KCNK13: variants seen among roughly 807,000 people sequenced by gnomAD.
The protein encoded by KCNK13 is potassium two pore domain channel subfamily K member 13.
KCNK13 carries 12 observed loss-of-function variants against 23.4 expected under a neutral mutation model. That is an observed-to-expected ratio of 0.51 (90% CI 0.33 to 0.83). The LOEUF is 0.83. KCNK13 is among the 40% of genes least tolerant of loss of function. The pLI is 0.02. For missense variants in KCNK13, 463 were observed against 556.3 expected (o/e 0.83, Z 1.69); for synonymous variants, 231 against 229.5 (o/e 1.01, Z -0.06).
chr14:90,101,391 G>A (rs1032675528), intron 1 of KCNK13, among the ~76,000 whole-genome samples: 2 of 152,070 alleles, frequency 1.3e-5, no homozygotes, highest in African/African-American at 4.8e-5. Context: ...ACTTAGACGA[G>A]GGGGCAGGGG....
At chr14:90,087,435 CA>C (rs1889294071) in intron 1 of KCNK13, among the ~76,000 whole-genome samples, 1 of 152,082 alleles carries the variant, frequency 6.6e-6, no homozygotes, top group African/African-American at 2.4e-5. Flanking sequence ...GGGACCAATA[CA>C]CTTCCCCAGA....
chr14:90,148,162 C>G (rs905816671), intron 1 of KCNK13, among the ~76,000 whole-genome samples: 1 of 152,104 alleles, frequency 6.6e-6, no homozygotes, highest in Admixed American at 6.5e-5. Flanking sequence ...GACTCCATCT[C>G]AAAATATAAT....
At chr14:90,166,353 A>G (rs1343396747) in intron 1 of KCNK13, among the ~76,000 whole-genome samples, 4 of 152,246 alleles carry the variant, frequency 2.6e-5, no homozygotes, top group Non-Finnish European at 5.9e-5. Context: ...GGCAAATTTT[A>G]ATATGCTTTA....
At position 90,111,141 on chromosome 14, in the gene KCNK13, C is replaced by T. The variant is rs370453028; in HGVS notation, c.334+48602C>T. On this transcript the variant is annotated intron_variant, in intron 1 of 1. Transcript: ENST00000282146. Reference sequence around the variant, plus strand: ...AAAGCCACTAAGTTGAGAACTCCAACTTCATTTCTAGACATCTCCAGATCT... The same window carrying T: ...AAAGCCACTAAGTTGAGAACTCCAATTTCATTTCTAGACATCTCCAGATCT... Among the ~76,000 whole-genome samples the T allele has an allele frequency of 2.6e-4, 40 of 152,278 alleles. No individual in the cohort carries two copies. In the South Asian group the frequency reaches 7.7e-3, roughly 29 times the overall value.
At chr14:90,112,373 T>C (rs1889625944) in intron 1 of KCNK13, among the ~76,000 whole-genome samples, 1 of 152,216 alleles carries the variant, frequency 6.6e-6, no homozygotes, top group Non-Finnish European at 1.5e-5. Context: ...CAAAAAGAAC[T>C]GGATGAGCAA....
chr14:90,171,078 A>G (rs1890359887), intron 1 of KCNK13, among the ~76,000 whole-genome samples: 1 of 152,210 alleles, frequency 6.6e-6, no homozygotes, highest in Admixed American at 6.5e-5. Flanking sequence ...TTCCTTTCAC[A>G]TAATCTCCTG....
At chr14:90,110,898 A>T (rs557840333) in intron 1 of KCNK13, among the ~76,000 whole-genome samples, 44 of 151,910 alleles carry the variant, frequency 2.9e-4, no homozygotes, top group Non-Finnish European at 5.1e-4. Context: ...AATCCCAGCT[A>T]CTCAGGAAGC....
At chr14:90,174,754 T>C (rs953632625) in intron 1 of KCNK13, among the ~76,000 whole-genome samples, 4 of 152,038 alleles carry the variant, frequency 2.6e-5, no homozygotes, top group Non-Finnish European at 5.9e-5. Flanking sequence ...CGTAGGAGGC[T>C]GAGGCAAGAG....
chr14:90,135,177 A>G (rs1307677859), intron 1 of KCNK13, among the ~76,000 whole-genome samples: 2 of 152,224 alleles, frequency 1.3e-5, no homozygotes. Context: ...GAATCCTGCA[A>G]TTGGGACTCA....
At chr14:90,152,765 G>C (rs931518398) in intron 1 of KCNK13, among the ~76,000 whole-genome samples, 32 of 152,170 alleles carry the variant, frequency 2.1e-4, no homozygotes, top group African/African-American at 7.5e-4. Context: ...GCTCAAGATT[G>C]CTTTGACTAT....
intron 1 of KCNK13, among the ~76,000 whole-genome samples, chr14:90,172,608 T>TTCA (rs2140444353): frequency 6.9e-6 from 1 of 145,712 alleles, no homozygotes; most frequent in South Asian, 2.3e-4. Flanking sequence ...CAGTGTAAAG[T>TTCA]GTTACACTGA....
At chr14:90,079,059 A>G (rs952894992) in intron 1 of KCNK13, among the ~76,000 whole-genome samples, 14 of 152,150 alleles carry the variant, frequency 9.2e-5, no homozygotes, top group African/African-American at 3.1e-4. Flanking sequence ...TGCTGTGGGG[A>G]CTGCACAAAG....
chr14:90,075,474 G>A (rs1369493551), intron 1 of KCNK13, among the ~76,000 whole-genome samples: 1 of 152,046 alleles, frequency 6.6e-6, no homozygotes, highest in South Asian at 2.1e-4. Flanking sequence ...CCTCTCCAGT[G>A]GTTTATGGAC....
intron 1 of KCNK13, among the ~76,000 whole-genome samples, chr14:90,105,747 A>G (rs1372352213): frequency 6.6e-6 from 1 of 152,194 alleles, no homozygotes; most frequent in Non-Finnish European, 1.5e-5. Context: ...AAAGAGAGCC[A>G]GGCACAAGGG....
chr14:90,151,166 A>C (rs572323060), intron 1 of KCNK13, among the ~76,000 whole-genome samples: 1 of 152,260 alleles, frequency 6.6e-6, no homozygotes, highest in Admixed American at 6.5e-5. Flanking sequence ...TTTCTTTATA[A>C]ATTACCCAGT....
intron 1 of KCNK13, among the ~76,000 whole-genome samples, chr14:90,078,388 C>G (rs57828339): frequency 0.14 from 19,578 of 137,176 alleles, 1,607 homozygotes; most frequent in South Asian, 0.28. Flanking sequence ...CCATTGTACT[C>G]CAGCCTGAGT....
intron 1 of KCNK13, among the ~76,000 whole-genome samples, chr14:90,179,423 A>T (rs940247716): frequency 2.4e-4 from 36 of 152,008 alleles, no homozygotes; most frequent in Admixed American, 2.4e-3. Context: ...TCATGGGCTG[A>T]GTGAAGTGTT....
intron 1 of KCNK13, among the ~76,000 whole-genome samples, chr14:90,136,151 G>A (rs1327938923): frequency 3.3e-5 from 5 of 152,012 alleles, no homozygotes; most frequent in African/African-American, 1.2e-4. Flanking sequence ...GACAGCAGAT[G>A]GGACAAGCAG....
intron 1 of KCNK13, among the ~76,000 whole-genome samples, chr14:90,082,767 A>G (rs1433119822): frequency 1.3e-5 from 2 of 152,246 alleles, no homozygotes; most frequent in Admixed American, 6.5e-5. Flanking sequence ...TCCACAGAAC[A>G]CAAGTTTTCT....
Sources: gnomAD v4.1 joint callset for allele counts (sites outside exome capture counted in the v4.1 genomes callset) on GRCh38, gnomAD v4.1.1 for gene constraint, MANE v1.5 for transcripts, NCBI Gene and HGNC (gene_info 2026-07-23, HGNC 2026-07-21) for gene names.